The following UQCC3 variants were observed in gnomAD, a reference collection of about 807,000 sequenced individuals.
The protein encoded by UQCC3 is ubiquinol-cytochrome-c reductase complex assembly factor 3.
UQCC3 carries 3 observed loss-of-function variants against 3.4 expected under a neutral mutation model. The ratio of observed to expected loss-of-function variants is 0.88; its 90% CI spans 0.40 to 2.26. The LOEUF (loss-of-function observed/expected upper bound fraction) is 2.26, where lower values mean the gene tolerates loss of function less well. UQCC3 is among the 30% of genes most tolerant of loss of function. The pLI is 0.05. For missense variants in UQCC3, 141 were observed against 123.0 expected, an observed-to-expected ratio of 1.15 and a Z score of -0.69; for synonymous variants, 57 against 57.1, an observed-to-expected ratio of 1.00 and a Z score of 0.00.
In UQCC3 at chr11:62,671,795, G is replaced by A; in HGVS notation, c.50G>A (p.Gly17Glu). The part of the protein sequence containing the change: ...MLISVAMLGA[G>E]AGVGYALLVI... ...ATCTCAGTCGCAATGCTGGGCGCAG[G>A]GGCTGGCGTGGGCTACGCGCTCCTC... is the stretch of plus-strand genomic sequence containing the variant. The change falls in exon 1 of 2, where the codon GGG (glycine) becomes GAG (glutamate). Residue 17 changes from glycine (G) to glutamate (E), a missense_variant. Transcript: ENST00000377953. 3 of 1,614,148 alleles carry A rather than the reference G, an allele frequency of 1.9e-6. No homozygotes were observed. Among genetic ancestry groups the A allele is most frequent in the Non-Finnish European group, 1.7e-6 (2 of 1,180,030 alleles).
rs747765375 is a variant in UQCC3 at position 62,672,114 on chromosome 11, A to AGACC, written c.*2_*5dup. 10 of 1,571,944 alleles carry AGACC rather than the reference A, an allele frequency of 6.4e-6. No homozygotes were observed. In the African/African-American group the frequency reaches 1.1e-4, roughly 17 times the overall value. On this transcript the variant is annotated 3_prime_UTR_variant, in exon 2 of 2. Coordinates refer to ENST00000377953, the MANE Select transcript of UQCC3 (RefSeq NM_001085372.3). ...GCGGCGCCGGCGGGAGGTCACCGTG[A>AGACC]GACCGGACTTGCCTCCGTGGGCGCC... is the stretch of plus-strand genomic sequence containing the variant.
At position 62,673,565 on chromosome 11, in the gene UQCC3, C is replaced by T. The variant is rs1290116165; in HGVS notation, c.*1451C>T. 2 of 152,144 alleles carry T rather than the reference C, an allele frequency of 1.3e-5. No individual in the cohort carries two copies. The highest frequency in any genetic ancestry group is 2.9e-5 in the Non-Finnish European group (2 of 68,028). 9.4% of individuals were successfully genotyped at this position (152,144 alleles called of 1,614,324 possible). A position where few individuals can be genotyped will look rare whatever the true frequency, so the allele number is the denominator to read the frequency against. On this transcript the variant is annotated 3_prime_UTR_variant, in exon 2 of 2. Transcript: ENST00000377953. ...AATAAGTGGGGTCAAAGCCCCACAG[C>T]CTAGTCAACCAAGTTGCTCCTCTTT...
In UQCC3 at chr11:62,672,128, T is replaced by C. The variant is rs1046874854; in HGVS notation, c.*14T>C. The C allele has an allele frequency of 1.9e-6, 3 of 1,558,588 alleles. No homozygotes were observed. In the African/African-American group the frequency reaches 4.1e-5, roughly 21 times the overall value. On this transcript the variant is annotated 3_prime_UTR_variant, in exon 2 of 2. Transcript: ENST00000377953. ...AGGTCACCGTGAGACCGGACTTGCC[T>C]CCGTGGGCGCCGGACCTTGGCTTGG...
At position 62,671,687 on chromosome 11, in the gene UQCC3, G is replaced by A. The variant is rs1944946974; in HGVS notation, c.-59G>A. 5.0e-6 allele frequency: 8 copies of A among 1,599,690 alleles called. No homozygotes were observed. Among genetic ancestry groups the A allele is most frequent in the Non-Finnish European group, 1.7e-6 (2 of 1,173,274 alleles). On this transcript the variant is annotated 5_prime_UTR_variant, in exon 1 of 2. Transcript: ENST00000377953. Reference sequence around the variant, plus strand: ...CGCCAAGGGGTAGTGAGACCGCGCGGCAACAGCTTGCGGCTGCGGGGAGCT... The same window carrying A: ...CGCCAAGGGGTAGTGAGACCGCGCGACAACAGCTTGCGGCTGCGGGGAGCT...
chr11:62,671,702 T>G lies in UQCC3; in HGVS notation c.-44T>G. On this transcript the variant is annotated 5_prime_UTR_variant, in exon 1 of 2. Transcript: ENST00000377953. Reference sequence around the variant, plus strand: ...AGACCGCGCGGCAACAGCTTGCGGCTGCGGGGAGCTCCCGTGGGCGCTCCG... The same window carrying G: ...AGACCGCGCGGCAACAGCTTGCGGCGGCGGGGAGCTCCCGTGGGCGCTCCG... 1 of 1,606,076 alleles carries G rather than the reference T, an allele frequency of 6.2e-7. No homozygotes were observed. Among genetic ancestry groups the G allele is most frequent in the East Asian group, 2.2e-5 (1 of 44,748 alleles).
Position 62,671,960 on chromosome 11 carries a change from C to T in UQCC3, c.128C>T (p.Pro43Leu), listed in dbSNP as rs774175787. 52 of 1,613,854 alleles carry T rather than the reference C, an allele frequency of 3.2e-5. No individual in the cohort carries two copies. Among genetic ancestry groups the T allele is most frequent in the Non-Finnish European group, 4.2e-5 (50 of 1,179,996 alleles). ...RRKQEMLKEM[P>L]LQDPRSREEA... is the part of the protein sequence containing the mutation. ...TCCCCTTCCTGCCCTCAGGAGATGC[C>T]ACTGCAGGACCCAAGGAGCAGGGAG... The change falls in exon 2 of 2, where the codon CCA becomes CTA. Residue 43 changes from proline to leucine, a missense_variant. Physicochemically the swap from Pro to Leu is moderately conservative, Grantham distance 98. Coordinates refer to ENST00000377953, the MANE Select transcript of UQCC3 (RefSeq NM_001085372.3).
chr11:62,672,287 C>T lies in UQCC3; in HGVS notation c.*173C>T. On this transcript the variant is annotated 3_prime_UTR_variant, in exon 2 of 2. Transcript: ENST00000377953. ...ACGTTTCCCCCAAACCCTGGACTGA[C>T]TGCTTTAAGGTCCGCAAGGCGGGCC... The T allele has an allele frequency of 1.4e-6, 1 of 702,018 alleles. No individual in the cohort carries two copies. The highest frequency in any genetic ancestry group is 2.3e-6 in the Non-Finnish European group (1 of 428,936). 43.5% of individuals were successfully genotyped at this position (702,018 alleles called of 1,614,324 possible). A position where few individuals can be genotyped will look rare whatever the true frequency, so the allele number is the denominator to read the frequency against.
rs1044486590 is a variant in UQCC3 at position 62,671,788 on chromosome 11, G to T, written c.43G>T (p.Gly15Cys). The T allele has an allele frequency of 2.5e-5, 40 of 1,614,174 alleles. No individual in the cohort carries two copies. The highest frequency in any genetic ancestry group is 3.3e-5 in the Non-Finnish European group (39 of 1,180,028). Residue 15 changes from glycine to cysteine, a missense_variant, in exon 1 of 2, where the codon GGC (glycine) becomes TGC (cysteine). Coordinates refer to ENST00000377953, the MANE Select transcript of UQCC3 (RefSeq NM_001085372.3). ...RKMLISVAML[G>C]AGAGVGYALL... Reference sequence around the variant, plus strand: ...AATGCTGATCTCAGTCGCAATGCTGGGCGCAGGGGCTGGCGTGGGCTACGC... The same window carrying T: ...AATGCTGATCTCAGTCGCAATGCTGTGCGCAGGGGCTGGCGTGGGCTACGC...
At chr11:62,671,919 T>C in intron 1 of UQCC3, 34 bp from the exon 2 acceptor site, 1 of 1,613,164 alleles carries the variant, frequency 6.2e-7, no homozygotes, top group Non-Finnish European at 8.5e-7. Flanking sequence ...AGCCCCGGAC[T>C]GGAGCTCCTG....
At position 62,672,433 on chromosome 11, in the gene UQCC3, G is replaced by A. The variant is rs1242711754; in HGVS notation, c.*319G>A. The A allele has an allele frequency of 5.3e-6, 2 of 379,836 alleles. No individual in the cohort carries two copies. Among genetic ancestry groups the A allele is most frequent in the African/African-American group, 2.1e-5 (1 of 48,028 alleles). 23.5% of individuals were successfully genotyped at this position (379,836 alleles called of 1,614,324 possible). ...GCTTAGAGACGCGTGGTCGGTGCTG[G>A]GGGCGCGGCCTGGAGCTGCTGCCTG... On this transcript the variant is annotated 3_prime_UTR_variant, in exon 2 of 2. Transcript: ENST00000377953.
Position 62,672,026 on chromosome 11 carries a change from A to C in UQCC3, c.194A>C (p.Gln65Pro). The change falls in exon 2 of 2, where the codon CAG (glutamine) becomes CCG (proline). Residue 65 changes from glutamine (Q) to proline (P), a missense_variant. Physicochemically the swap from Gln to Pro is moderately conservative, Grantham distance 76. Transcript: ENST00000377953. ...RTQQLLLATL[Q>P]EAATTQENVA... The stretch of plus-strand genomic sequence containing the variant: ...CAGCAGCTATTGCTGGCCACTCTGC[A>C]GGAGGCAGCGACCACGCAGGAGAAC... 1 of 1,613,312 alleles carries C rather than the reference A, an allele frequency of 6.2e-7. No homozygotes were observed. Among genetic ancestry groups the C allele is most frequent in the Non-Finnish European group, 8.5e-7 (1 of 1,179,778 alleles).
In UQCC3 at chr11:62,672,148, G is replaced by C; in HGVS notation, c.*34G>C. 1 of 1,543,514 alleles carries C rather than the reference G, an allele frequency of 6.5e-7. No homozygotes were observed. The highest frequency in any genetic ancestry group is 8.7e-7 in the Non-Finnish European group (1 of 1,146,626). ...TTGCCTCCGTGGGCGCCGGACCTTG[G>C]CTTGGGCGCAGGAATCCGAGGCAGC... On this transcript the variant is annotated 3_prime_UTR_variant, in exon 2 of 2. Transcript: ENST00000377953.
In UQCC3 at chr11:62,672,248, G is replaced by A; in HGVS notation, c.*134G>A. 1.1e-6 allele frequency: 1 copy of A among 931,838 alleles called. No homozygotes were observed. Among genetic ancestry groups the A allele is most frequent in the Non-Finnish European group, 1.6e-6 (1 of 631,256 alleles). 57.7% of individuals were successfully genotyped at this position (931,838 alleles called of 1,614,324 possible). A position where few individuals can be genotyped will look rare whatever the true frequency, so the allele number is the denominator to read the frequency against. On this transcript the variant is annotated 3_prime_UTR_variant, in exon 2 of 2. Coordinates refer to ENST00000377953, the MANE Select transcript of UQCC3 (RefSeq NM_001085372.3). ...AGGACTCTCCGGGGTCCTGTGAGCTGCCGTCGGGTGAGCACGTTTCCCCCA... is the reference window on the plus strand; with the variant it reads ...AGGACTCTCCGGGGTCCTGTGAGCTACCGTCGGGTGAGCACGTTTCCCCCA...
Position 62,672,981 on chromosome 11 carries a change from G to A in UQCC3, c.*867G>A, listed in dbSNP as rs926449619. On this transcript the variant is annotated 3_prime_UTR_variant, in exon 2 of 2. Transcript: ENST00000377953. ...CCGCAACCACGCCCGGCTGATATTA[G>A]TAGTTTTAGTAGAGGCGGGTTTCAC... 2 of 151,984 alleles carry A rather than the reference G, an allele frequency of 1.3e-5. No homozygotes were observed. Among genetic ancestry groups the A allele is most frequent in the African/African-American group, 4.8e-5 (2 of 41,348 alleles). The allele number at this position is 151,984 out of a possible 1,614,324, so 9.4% of individuals were successfully genotyped here.
Position 62,672,123 on chromosome 11 carries a change from T to A in UQCC3, c.*9T>A, listed in dbSNP as rs1337285453. ...GCGGGAGGTCACCGTGAGACCGGAC[T>A]TGCCTCCGTGGGCGCCGGACCTTGG... On this transcript the variant is annotated 3_prime_UTR_variant, in exon 2 of 2. Coordinates refer to ENST00000377953, the MANE Select transcript of UQCC3 (RefSeq NM_001085372.3). The A allele has an allele frequency of 6.4e-7, 1 of 1,564,374 alleles. No individual in the cohort carries two copies. Among genetic ancestry groups the A allele is most frequent in the African/African-American group, 1.3e-5 (1 of 74,086 alleles).
chr11:62,672,934 A>G lies in UQCC3; in HGVS notation c.*820A>G, dbSNP rs1166236107. Reference sequence around the variant, plus strand: ...AGCTGTTCTCCTTACTCAGCCTCCCATGTAGCTGGGATTACAGGCGTCCGC... The same window carrying G: ...AGCTGTTCTCCTTACTCAGCCTCCCGTGTAGCTGGGATTACAGGCGTCCGC... On this transcript the variant is annotated 3_prime_UTR_variant, in exon 2 of 2. Coordinates refer to ENST00000377953, the MANE Select transcript of UQCC3 (RefSeq NM_001085372.3). The G allele has an allele frequency of 2.0e-5, 3 of 152,064 alleles. No individual in the cohort carries two copies. The highest frequency in any genetic ancestry group is 2.1e-4 in the South Asian group (1 of 4,830). 9.4% of individuals were successfully genotyped at this position (152,064 alleles called of 1,614,324 possible).
In UQCC3 at chr11:62,673,284, A is replaced by G. The variant is rs1004444868; in HGVS notation, c.*1170A>G. The G allele has an allele frequency of 2.6e-5, 4 of 152,178 alleles. No individual in the cohort carries two copies. The highest frequency in any genetic ancestry group is 4.8e-5 in the African/African-American group (2 of 41,440). 9.4% of individuals were successfully genotyped at this position (152,178 alleles called of 1,614,324 possible). A position where few individuals can be genotyped will look rare whatever the true frequency, so the allele number is the denominator to read the frequency against. ...ATTGGAGGGGCATCTAGCACTTAAC[A>G]TATGCCACAATGCTTTCTGTGGCCA... is the stretch of plus-strand genomic sequence containing the variant. On this transcript the variant is annotated 3_prime_UTR_variant, in exon 2 of 2. Transcript: ENST00000377953.
Position 62,673,624 on chromosome 11 carries a change from T to G in UQCC3, c.*1510T>G, listed in dbSNP as rs528981554. On this transcript the variant is annotated 3_prime_UTR_variant, in exon 2 of 2. Transcript: ENST00000377953. Reference sequence around the variant, plus strand: ...CTGTGGTTCCCAAGCAAGACTGCAATTGAAAAAAAGGCTGCTGTTATTAAA... The same window carrying G: ...CTGTGGTTCCCAAGCAAGACTGCAAGTGAAAAAAAGGCTGCTGTTATTAAA... The G allele has an allele frequency of 6.6e-6, 1 of 151,568 alleles. No homozygotes were observed. Among genetic ancestry groups the G allele is most frequent in the South Asian group, 2.1e-4 (1 of 4,810 alleles). 9.4% of individuals were successfully genotyped at this position (151,568 alleles called of 1,614,324 possible).
rs1381378157 is a variant in UQCC3 at position 62,671,808 on chromosome 11, C to T, written c.63C>T (p.Gly21=). 2.5e-6 allele frequency: 4 copies of T among 1,614,138 alleles called. No individual in the cohort carries two copies. The highest frequency in any genetic ancestry group is 3.4e-6 in the Non-Finnish European group (4 of 1,180,014). The stretch of plus-strand genomic sequence containing the variant: ...TGCTGGGCGCAGGGGCTGGCGTGGG[C>T]TACGCGCTCCTCGTTATCGTGACCC... ...VAMLGAGAGV[G]YALLVIVTPG... is the part of the protein sequence containing the mutation. Residue 21 remains glycine (G), a synonymous_variant, in exon 1 of 2, where the codon GGC becomes GGT. Transcript: ENST00000377953.
Sources: allele counts gnomAD v4.1 joint callset, GRCh38; gene constraint gnomAD v4.1.1; transcripts MANE v1.5; gene names NCBI Gene and HGNC (gene_info 2026-07-23, HGNC 2026-07-21).